The following PTPRD variants were observed in gnomAD, a reference collection of about 807,000 sequenced individuals.
The protein encoded by PTPRD is protein tyrosine phosphatase receptor type D, also known as receptor-type tyrosine-protein phosphatase delta.
Under a neutral mutation model 214.5 loss-of-function variants are expected in PTPRD, and 34 were observed. That is an observed-to-expected ratio of 0.16 (90% CI 0.12 to 0.21). The LOEUF (loss-of-function observed/expected upper bound fraction) is 0.21, where lower values mean the gene tolerates loss of function less well. PTPRD is among the 10% of genes least tolerant of loss of function. The pLI, the probability that PTPRD is intolerant of heterozygous loss-of-function variation, is 1.00. For missense variants in PTPRD, 2,545 were observed against 2,398.7 expected, an observed-to-expected ratio of 1.06 and a Z score of -1.27; for synonymous variants, 1,128 against 845.7, an observed-to-expected ratio of 1.33 and a Z score of -5.79.
rs199830198 is a variant in PTPRD at position 9,555,998 on chromosome 9, A to T, written c.-237+18734T>A. Among the ~76,000 whole-genome samples, 24 of 152,124 alleles carry T rather than the reference A, an allele frequency of 1.6e-4. No individual in the cohort carries two copies. In the East Asian group the frequency reaches 4.5e-3, roughly 28 times the overall value. ...TTTATGGCCTTAGATTGTACAGTTG[A>T]CCCTTGAACAATGTGGGGGACCCCA... is the stretch of plus-strand genomic sequence containing the variant. On this transcript the variant is annotated intron_variant, in intron 8 of 45. Coordinates refer to ENST00000381196, the MANE Select transcript of PTPRD (RefSeq NM_002839.4).
intron 9 of PTPRD, among the ~76,000 whole-genome samples, chr9:9,284,422 G>A (rs995587235): frequency 6.6e-6 from 1 of 151,602 alleles, no homozygotes; most frequent in Admixed American, 6.6e-5. Context: ...GAATGCCTTG[G>A]TTGTTTTATA....
intron 7 of PTPRD, among the ~76,000 whole-genome samples, chr9:9,604,873 G>C (rs1365774120): frequency 6.7e-6 from 1 of 148,830 alleles, no homozygotes; most frequent in Non-Finnish European, 1.5e-5. Context: ...TATTATTAAA[G>C]AACAAAAAAA....
chr9:9,614,750 T>C (rs2094749664), intron 7 of PTPRD, among the ~76,000 whole-genome samples: 1 of 152,206 alleles, frequency 6.6e-6, no homozygotes, highest in African/African-American at 2.4e-5. Context: ...ATGCCAATTT[T>C]TCATATCAAA....
At chr9:8,502,259 A>G (rs1360954765) in intron 23 of PTPRD, among the ~76,000 whole-genome samples, 1 of 152,200 alleles carries the variant, frequency 6.6e-6, no homozygotes, top group Non-Finnish European at 1.5e-5. Flanking sequence ...GTGGGCAAAG[A>G]TAACACAAGT....
At chr9:10,595,319 T>A (rs1196246839) in intron 2 of PTPRD, among the ~76,000 whole-genome samples, 2 of 151,694 alleles carry the variant, frequency 1.3e-5, no homozygotes, top group African/African-American at 2.4e-5. Flanking sequence ...CTATAAAAGA[T>A]AATGAGGCAA....
At chr9:9,366,669 C>T (rs1443068594) in intron 9 of PTPRD, among the ~76,000 whole-genome samples, 3 of 151,346 alleles carry the variant, frequency 2.0e-5, no homozygotes, top group Non-Finnish European at 4.4e-5. Context: ...AGTTACATTT[C>T]TTATTTGACA....
chr9:9,528,792 A>G (rs947264711), intron 8 of PTPRD, among the ~76,000 whole-genome samples: 5 of 151,988 alleles, frequency 3.3e-5, no homozygotes, highest in Admixed American at 1.3e-4. Flanking sequence ...CCAGAAGACA[A>G]TGGAAAGACA....
At chr9:9,044,807 T>G (rs963114489) in intron 10 of PTPRD, among the ~76,000 whole-genome samples, 1 of 152,134 alleles carries the variant, frequency 6.6e-6, no homozygotes, top group African/African-American at 2.4e-5. Context: ...TAATTACCAT[T>G]TAGAAGGAAT....
At chr9:10,438,613 T>C (rs1250724986) in intron 2 of PTPRD, among the ~76,000 whole-genome samples, 3 of 151,808 alleles carry the variant, frequency 2.0e-5, no homozygotes, top group African/African-American at 7.3e-5. Context: ...TGTTTTTTAA[T>C]GAGTTATTAT....
chr9:10,473,687 A>G (rs2099045360), intron 2 of PTPRD, among the ~76,000 whole-genome samples: 1 of 152,212 alleles, frequency 6.6e-6, no homozygotes, highest in Non-Finnish European at 1.5e-5. Context: ...CACTCCTTCC[A>G]AACAGAAATA....
At chr9:10,357,593 T>C (rs916342252) in intron 2 of PTPRD, among the ~76,000 whole-genome samples, 1 of 152,232 alleles carries the variant, frequency 6.6e-6, no homozygotes, top group African/African-American at 2.4e-5. Flanking sequence ...CATACTGGTT[T>C]AATATTAGCA....
At chr9:9,597,771 CAG>C (rs1251293565) in intron 7 of PTPRD, among the ~76,000 whole-genome samples, 1 of 151,808 alleles carries the variant, frequency 6.6e-6, no homozygotes, top group Admixed American at 6.6e-5. Flanking sequence ...ATAAAGGTAA[CAG>C]ATACATGTAT....
chr9:8,756,947 C>A (rs1401472710), intron 11 of PTPRD, among the ~76,000 whole-genome samples: 1 of 152,014 alleles, frequency 6.6e-6, no homozygotes, highest in Admixed American at 6.6e-5. Flanking sequence ...TCAAGACCAC[C>A]TTGGCCAACG....
chr9:8,923,298 T>C (rs2098840980), intron 11 of PTPRD, among the ~76,000 whole-genome samples: 1 of 151,998 alleles, frequency 6.6e-6, no homozygotes, highest in African/African-American at 2.4e-5. Flanking sequence ...TGCTTCTGCC[T>C]CCCTAAGTGC....
chr9:10,189,172 T>G (rs992834572), intron 3 of PTPRD, among the ~76,000 whole-genome samples: 2 of 152,122 alleles, frequency 1.3e-5, no homozygotes, highest in Non-Finnish European at 2.9e-5. Context: ...GCCCTGGAGT[T>G]TAGTGCTTCT....
chr9:9,280,012 T>C (rs1346989588), intron 9 of PTPRD, among the ~76,000 whole-genome samples: 1 of 151,332 alleles, frequency 6.6e-6, no homozygotes, highest in Non-Finnish European at 1.5e-5. Flanking sequence ...TATTGGGTTG[T>C]TTCCAATGTA....
At chr9:9,423,335 A>G (rs141574356) in intron 8 of PTPRD, among the ~76,000 whole-genome samples, 3 of 152,270 alleles carry the variant, frequency 2.0e-5, no homozygotes, top group African/African-American at 7.2e-5. Flanking sequence ...TCTCTCCACT[A>G]CACAAGTACA....
At chr9:9,339,218 C>T (rs1376029175) in intron 9 of PTPRD, among the ~76,000 whole-genome samples, 1 of 151,916 alleles carries the variant, frequency 6.6e-6, no homozygotes, top group Admixed American at 6.6e-5. Flanking sequence ...TGGCTCATGC[C>T]CGTAATCCCA....
At chr9:9,612,090 T>C (rs1472724689) in intron 7 of PTPRD, among the ~76,000 whole-genome samples, 3 of 152,132 alleles carry the variant, frequency 2.0e-5, no homozygotes, top group Non-Finnish European at 4.4e-5. Flanking sequence ...TTTATCTATA[T>C]ATAATGAAAA....
Sources: gnomAD v4.1 joint callset for allele counts (sites outside exome capture counted in the v4.1 genomes callset) on GRCh38, gnomAD v4.1.1 for gene constraint, MANE v1.5 for transcripts, NCBI Gene and HGNC (gene_info 2026-07-23, HGNC 2026-07-21) for gene names.